Variants in NF2 observed in about 807,000 individuals in gnomAD.
NF2 encodes NF2, moesin-ezrin-radixin like (MERLIN) tumor suppressor.
In NF2, 8 loss-of-function variants were observed where a neutral mutation model predicts 83.7. That is an observed-to-expected ratio of 0.10 (90% confidence interval 0.06 to 0.17). NF2 has a LOEUF of 0.17. Among genes scored for constraint, NF2 ranks in the 10% least tolerant of loss-of-function variants. The pLI, the probability that NF2 is intolerant of heterozygous loss-of-function variation, is 1.00. For missense variants in NF2, 533 were observed against 744.4 expected (o/e 0.72, Z 3.31); for synonymous variants, 266 against 269.6 (o/e 0.99, Z 0.13).
At chr22:29,637,430 G>GCAATTTT (rs1227421700) in intron 2 of NF2, among the ~76,000 whole-genome samples, 7 of 152,152 alleles carry the variant, frequency 4.6e-5, no homozygotes, top group Non-Finnish European at 1.0e-4. Context: ...TGGGCTCCTG[G>GCAATTTT]CAATTTTAAT....
At chr22:29,615,424 T>C (rs992107621) in intron 1 of NF2, among the ~76,000 whole-genome samples, 2 of 151,900 alleles carry the variant, frequency 1.3e-5, no homozygotes, top group African/African-American at 4.8e-5. Flanking sequence ...AATTTAAAAA[T>C]TAGCCAGGCG....
intron 15 of NF2, among the ~76,000 whole-genome samples, chr22:29,691,772 G>A (rs113270432): frequency 9.2e-5 from 14 of 152,328 alleles, no homozygotes; most frequent in South Asian, 2.1e-4. Context: ...TGCATGCTCC[G>A]CGGGGTGGCT....
chr22:29,683,274 G>A, intron 15 of NF2: 1 of 1,470,268 alleles, frequency 6.8e-7, no homozygotes, highest in Non-Finnish European at 9.0e-7. Flanking sequence ...CCAGAAGACT[G>A]CCTCGTTCCG....
At chr22:29,678,099 T>C (rs954725811) in intron 13 of NF2, 97 bp from the exon 14 acceptor site, 1 of 1,553,640 alleles carries the variant, frequency 6.4e-7, no homozygotes, top group African/African-American at 1.4e-5. Flanking sequence ...GTTGTGCCCA[T>C]TGCCTCTGTG....
chr22:29,642,787 G>A (rs1601590532), intron 4 of NF2, among the ~76,000 whole-genome samples: 1 of 152,078 alleles, frequency 6.6e-6, no homozygotes, highest in Non-Finnish European at 1.5e-5. Flanking sequence ...CAAACAAGCT[G>A]CCTTGTGTGT....
chr22:29,673,446 G>C lies in NF2; in HGVS notation c.1300G>C (p.Glu434Gln). Residue 434 changes from glutamate to glutamine, a missense_variant, in exon 12 of 16, where the codon GAG becomes CAG. This residue lies in a region of NF2 where 199 missense variants were observed against 240.7 expected (regional missense o/e 0.83). Coordinates refer to ENST00000338641, the MANE Select transcript of NF2 (RefSeq NM_000268.4). Reference sequence around the variant, plus strand: ...GATGGAGCAGAAGGTGCTGGAAGCCGAGGTGCTGGCACTGAAGATGGCTGA... The same window carrying C: ...GATGGAGCAGAAGGTGCTGGAAGCCCAGGTGCTGGCACTGAAGATGGCTGA... ...RLMEQKVLEA[E>Q]VLALKMAEES... 1 of 1,611,986 alleles carries C rather than the reference G, an allele frequency of 6.2e-7. No individual in the cohort carries two copies. The highest frequency in any genetic ancestry group is 8.5e-7 in the Non-Finnish European group (1 of 1,179,506).
chr22:29,609,593 C>A, intron 1 of NF2: 2 of 203,336 alleles, frequency 9.8e-6, no homozygotes, highest in Non-Finnish European at 1.1e-5. Flanking sequence ...GTAGTTGAAG[C>A]CATTCTGCGT....
chr22:29,661,192 AT>A lies in NF2; in HGVS notation c.676-11del. ...GCTGGCGCTTACAGTAGCTGTTCTT[AT>A]TGGATCCACAGAATAAAAAGGGCAC... is the stretch of plus-strand genomic sequence containing the variant. On this transcript the variant is annotated splice_polypyrimidine_tract_variant and intron_variant, in intron 7 of 15. Coordinates refer to ENST00000338641, the MANE Select transcript of NF2 (RefSeq NM_000268.4). The A allele has an allele frequency of 6.2e-7, 1 of 1,614,206 alleles. No homozygotes were observed. Among genetic ancestry groups the A allele is most frequent in the Non-Finnish European group, 8.5e-7 (1 of 1,180,034 alleles).
At chr22:29,630,758 C>T (rs77092693) in intron 1 of NF2, among the ~76,000 whole-genome samples, 2,409 of 152,304 alleles carry the variant, frequency 0.016, 72 homozygotes, top group African/African-American at 0.056. Context: ...GGCAGGGAAC[C>T]GTGGTGGATC....
In NF2 at chr22:29,698,104, C is replaced by G. The variant is rs1364687644; in HGVS notation, c.*3302C>G. ...TGCAGCTGTGTGGCACAGATGGCTT[C>G]GTTCATCCTGATCAAGGCCCCACCT... On this transcript the variant is annotated 3_prime_UTR_variant, in exon 16 of 16. Coordinates refer to ENST00000338641, the MANE Select transcript of NF2 (RefSeq NM_000268.4). 1 of 231,120 alleles carries G rather than the reference C, an allele frequency of 4.3e-6. No homozygotes were observed. The highest frequency in any genetic ancestry group is 8.6e-6 in the Non-Finnish European group (1 of 116,680). 14.3% of individuals were successfully genotyped at this position (231,120 alleles called of 1,614,324 possible). A position where few individuals can be genotyped will look rare whatever the true frequency, so the allele number is the denominator to read the frequency against.
In NF2 at chr22:29,698,295, G is replaced by T. The variant is rs2067610691; in HGVS notation, c.*3493G>T. ...TTTCCCTCTCTTTTTTTTGTCAAAA[G>T]CCCAGAGACTGACAACCAGCTGCAG... On this transcript the variant is annotated 3_prime_UTR_variant, in exon 16 of 16. Transcript: ENST00000338641. 1 of 224,848 alleles carries T rather than the reference G, an allele frequency of 4.4e-6. No individual in the cohort carries two copies. The highest frequency in any genetic ancestry group is 2.2e-5 in the African/African-American group (1 of 44,792). The allele number at this position is 224,848 out of a possible 1,614,324, so 13.9% of individuals were successfully genotyped here.
At position 29,625,300 on chromosome 22, in the gene NF2, C is replaced by A. The variant is rs2065339904; in HGVS notation, c.115-11451C>A. On this transcript the variant is annotated intron_variant, in intron 1 of 15. Transcript: ENST00000338641. ...TGATGTCCACGGTGATAGCAGGATT[C>A]TTTTCGGATTTCTGCCATAGTTAAT... Among the ~76,000 whole-genome samples, 2 of 152,178 alleles carry A rather than the reference C, an allele frequency of 1.3e-5. 1 individual carries two copies. The highest frequency in any genetic ancestry group is 4.1e-4 in the South Asian group (2 of 4,830).
intron 11 of NF2, among the ~76,000 whole-genome samples, chr22:29,672,781 T>G (rs8135737): frequency 0.26 from 21,240 of 81,428 alleles, 1,619 homozygotes; most frequent in African/African-American, 0.28. Flanking sequence ...ACATCCAGCT[T>G]TTTTTTTTTT....
At position 29,639,235 on chromosome 22, in the gene NF2, C is replaced by T. The variant is rs768312677; in HGVS notation, c.363+23C>T. The T allele has an allele frequency of 8.7e-6, 14 of 1,613,806 alleles. No homozygotes were observed. In the Admixed American group the frequency reaches 2.3e-4, roughly 27 times the overall value. ...CAGGTACATCAGTCAAGGCTACCCC[C>T]CAGTTCTGAGAGAACTTGCCCAGGA... On this transcript the variant is annotated intron_variant, in intron 3 of 15. Coordinates refer to ENST00000338641, the MANE Select transcript of NF2 (RefSeq NM_000268.4).
In NF2 at chr22:29,665,080, G is replaced by C. The variant is rs767213792; in HGVS notation, c.885+16G>C. 6 of 1,589,822 alleles carry C rather than the reference G, an allele frequency of 3.8e-6. No individual in the cohort carries two copies. The highest frequency in any genetic ancestry group is 5.2e-6 in the Non-Finnish European group (6 of 1,158,022). ...TAATAAGCTGGTAAGTTGAGATCCT[G>C]GTTTTCATTACTGATAATGGTAGCT... On this transcript the variant is annotated intron_variant, in intron 9 of 15. Transcript: ENST00000338641.
In NF2 at chr22:29,694,706, A is replaced by G. The variant is rs754615219; in HGVS notation, c.1738-46A>G. ...GGCAGGACAGGACCCTGTGTGACAG[A>G]GCGGAGGTCTTGTGCCCTCTCAGCT... On this transcript the variant is annotated intron_variant, in intron 15 of 15. Transcript: ENST00000338641. The surrounding 1 kb of genome is among the most constrained non-coding windows in gnomAD (Gnocchi z 4.1). 6.2e-7 allele frequency: 1 copy of G among 1,601,560 alleles called. No homozygotes were observed. Among genetic ancestry groups the G allele is most frequent in the South Asian group, 1.1e-5 (1 of 89,416 alleles).
rs908823103 is a variant in NF2 at position 29,695,611 on chromosome 22, T to A, written c.*809T>A. 7 of 234,382 alleles carry A rather than the reference T, an allele frequency of 3.0e-5. No homozygotes were observed. The highest frequency in any genetic ancestry group is 5.9e-5 in the Non-Finnish European group (7 of 118,942). The allele number at this position is 234,382 out of a possible 1,614,324, so 14.5% of individuals were successfully genotyped here. ...CCCATTGCCCGACGCCCATAGACGC[T>A]CCTTCCTGTGTGGGGCTGGGGTACT... is the stretch of plus-strand genomic sequence containing the variant. On this transcript the variant is annotated 3_prime_UTR_variant, in exon 16 of 16. Transcript: ENST00000338641. The surrounding 1 kb of genome is among the most constrained non-coding windows in gnomAD (Gnocchi z 5.4).
intron 11 of NF2, 143 bp downstream of exon 11, chr22:29,672,091 CT>C: frequency 2.4e-6 from 3 of 1,261,700 alleles, no homozygotes; most frequent in Non-Finnish European, 3.3e-6. Context: ...AGTGCCTTTT[CT>C]TTTCACCTGT....
Position 29,681,394 on chromosome 22 carries a change from C to A in NF2, c.1575-45C>A, listed in dbSNP as rs984383904. ...GCCGCAGAGCACCTGAGCCGTGTCT[C>A]ACTGTCTGCCCAAGCCCTGATGCAT... On this transcript the variant is annotated intron_variant, in intron 14 of 15. Transcript: ENST00000338641. 1.9e-6 allele frequency: 3 copies of A among 1,611,166 alleles called. No individual in the cohort carries two copies. In the African/African-American group the frequency reaches 4.0e-5, roughly 22 times the overall value.
Sources: gnomAD v4.1 joint callset for allele counts (sites outside exome capture counted in the v4.1 genomes callset) on GRCh38, gnomAD v4.1.1 for gene constraint, gnomAD v4.1.1 regional missense constraint, Gnocchi (gnomAD v3.1) non-coding constraint, MANE v1.5 for transcripts, NCBI Gene and HGNC (gene_info 2026-07-23, HGNC 2026-07-21) for gene names.